Variants in CPEB3 observed in about 807,000 individuals in gnomAD.
The protein encoded by CPEB3 is cytoplasmic polyadenylation element-binding protein 3.
In CPEB3, 20 loss-of-function variants were observed where a neutral mutation model predicts 67.2. The observed-to-expected ratio is 0.30, with a 90% confidence interval of 0.21 to 0.43. The LOEUF is 0.43. Ranked by LOEUF, CPEB3 falls within the 20% of genes least tolerant of loss-of-function variation. The pLI, the probability that CPEB3 is intolerant of heterozygous loss-of-function variation, is 1.00. For synonymous variants in CPEB3, 376 were observed against 393.1 expected (o/e 0.96, Z 0.51); for missense variants, 746 against 968.6 (o/e 0.77, Z 3.05).
chr10:92,215,209 G>C (rs1850296554), intron 2 of CPEB3, among the ~76,000 whole-genome samples: 2 of 150,298 alleles, frequency 1.3e-5, no homozygotes, highest in South Asian at 4.2e-4. Context: ...CTAGAGTGCA[G>C]TAGTGCAATC....
At chr10:92,208,411 A>C (rs1470390518) in intron 2 of CPEB3, among the ~76,000 whole-genome samples, 1 of 152,146 alleles carries the variant, frequency 6.6e-6, no homozygotes, top group Non-Finnish European at 1.5e-5. Flanking sequence ...CTTAATGTTA[A>C]TAGTTTTCAA....
chr10:92,150,082 G>C (rs1413250543), intron 4 of CPEB3, among the ~76,000 whole-genome samples: 1 of 152,142 alleles, frequency 6.6e-6, no homozygotes, highest in African/African-American at 2.4e-5. Flanking sequence ...CTGCAGAAAG[G>C]ATTTAAAAGA....
chr10:92,052,387 C>T lies in CPEB3; in HGVS notation c.1922G>A (p.Gly641Asp). ...GGCAAACTTCCCACCACAGCGTGTG[C>T]CCTGGCACTCATCACACATCTGATC... is the stretch of plus-strand genomic sequence containing the variant. ...LDDQMCDECQGTRCGGKFAPF... is the reference protein window; with the variant it reads ...LDDQMCDECQDTRCGGKFAPF... Residue 641 changes from glycine (G) to aspartate (D), a missense_variant, in exon 10 of 10, where the codon GGC (glycine) becomes GAC (aspartate). This residue lies in a region of CPEB3 where 103 missense variants were observed against 251.1 expected (regional missense o/e 0.41). Coordinates refer to ENST00000265997, the MANE Select transcript of CPEB3 (RefSeq NM_014912.5). The T allele has an allele frequency of 6.2e-7, 1 of 1,614,230 alleles. No homozygotes were observed. The highest frequency in any genetic ancestry group is 1.1e-5 in the South Asian group (1 of 91,084).
chr10:92,190,102 AC>A (rs1429055076), intron 3 of CPEB3, among the ~76,000 whole-genome samples: 1 of 151,866 alleles, frequency 6.6e-6, no homozygotes, highest in Admixed American at 6.6e-5. Context: ...ACATGGTGAC[AC>A]CCCGTCTCTA....
chr10:92,234,386 ATT>A (rs1157414627), intron 2 of CPEB3, among the ~76,000 whole-genome samples: 1 of 152,188 alleles, frequency 6.6e-6, no homozygotes, highest in East Asian at 1.9e-4. Context: ...CAGTCACTGT[ATT>A]TTTTTCTTTC....
rs1852420249 is a variant in CPEB3 at position 92,254,108 on chromosome 10, G to T, written c.-11-13747C>A. ...GCTGAGCATGGTGATGTGCACCTGT[G>T]GTCCCAGGTACTCAGGAGGCTGAGG... On this transcript the variant is annotated intron_variant, in intron 1 of 9. Transcript: ENST00000265997. 1.3e-5 allele frequency among the ~76,000 whole-genome samples: 2 copies of T among 151,780 alleles called. 1 individual carries two copies. The highest frequency in any genetic ancestry group is 4.2e-4 in the South Asian group (2 of 4,806).
chr10:92,079,140 G>C (rs901371898), intron 9 of CPEB3, among the ~76,000 whole-genome samples: 2 of 152,154 alleles, frequency 1.3e-5, no homozygotes, highest in Non-Finnish European at 2.9e-5. Flanking sequence ...CGCCAGTGAT[G>C]GTTGCGATAG....
intron 3 of CPEB3, among the ~76,000 whole-genome samples, chr10:92,188,857 T>C (rs577088887): frequency 5.3e-5 from 8 of 152,356 alleles, no homozygotes; most frequent in African/African-American, 1.9e-4. Flanking sequence ...TTCTATATAA[T>C]TTTTATCATG....
intron 9 of CPEB3, among the ~76,000 whole-genome samples, chr10:92,076,834 G>GGGGA (rs1564758636): frequency 6.7e-6 from 1 of 149,536 alleles, no homozygotes; most frequent in Non-Finnish European, 1.5e-5. Flanking sequence ...AGGAGGAGGA[G>GGGGA]GAAAGAAAGA....
At chr10:92,211,850 A>G (rs1328565065) in intron 2 of CPEB3, among the ~76,000 whole-genome samples, 1 of 150,290 alleles carries the variant, frequency 6.7e-6, no homozygotes, top group Non-Finnish European at 1.5e-5. Flanking sequence ...GCTCAAACAT[A>G]TATGTTCTAA....
At chr10:92,203,400 G>GTA (rs1187949432) in intron 2 of CPEB3, among the ~76,000 whole-genome samples, 5 of 139,710 alleles carry the variant, frequency 3.6e-5, no homozygotes, top group South Asian at 2.2e-4. Flanking sequence ...ATATATATAC[G>GTA]TATATATATG....
rs117715231 is a variant in CPEB3, at chr10:92,141,722, T to C, written c.1453+1307A>G. Among the ~76,000 whole-genome samples, 1,348 of 145,344 alleles carry C rather than the reference T, an allele frequency of 9.3e-3. 15 individuals carry two copies. The highest frequency in any genetic ancestry group is 0.021 in the Middle Eastern group (6 of 290). ...ATAATAAATAATTGATAAGAAAACA[T>C]ACCAAAAAAAAAAAGGCCGGGCATG... On this transcript the variant is annotated intron_variant, in intron 6 of 9. Transcript: ENST00000265997.
At chr10:92,062,532 G>T (rs560492478) in intron 9 of CPEB3, among the ~76,000 whole-genome samples, 18 of 152,078 alleles carry the variant, frequency 1.2e-4, no homozygotes, top group Non-Finnish European at 2.5e-4. Context: ...AAACTGAAAT[G>T]AATTGTAGAC....
intron 9 of CPEB3, among the ~76,000 whole-genome samples, chr10:92,066,070 C>G (rs1222386049): frequency 6.6e-6 from 1 of 151,900 alleles, no homozygotes; most frequent in Non-Finnish European, 1.5e-5. Context: ...GCACTCCAAA[C>G]TGGGTGACAG....
intron 6 of CPEB3, among the ~76,000 whole-genome samples, chr10:92,120,655 T>G (rs1463518923): frequency 6.6e-6 from 1 of 152,086 alleles, no homozygotes; most frequent in Non-Finnish European, 1.5e-5. Context: ...TCTGGATATT[T>G]CTTGTTCTCA....
chr10:92,078,398 A>G (rs954730531), intron 9 of CPEB3, among the ~76,000 whole-genome samples: 1 of 152,216 alleles, frequency 6.6e-6, no homozygotes, highest in Non-Finnish European at 1.5e-5. Context: ...ACCTGCCTTA[A>G]GAGAAGTAAA....
In CPEB3 at chr10:92,112,122, G is replaced by A. The variant is rs1298663715; in HGVS notation, c.1454-928C>T. Among the ~76,000 whole-genome samples, 6 of 116,510 alleles carry A rather than the reference G, an allele frequency of 5.1e-5. No homozygotes were observed. In the East Asian group the frequency reaches 9.4e-4, roughly 18 times the overall value. 76.4% of individuals were successfully genotyped at this position (116,510 alleles called of 152,430 possible). A position where few individuals can be genotyped will look rare whatever the true frequency, so the allele number is the denominator to read the frequency against. On this transcript the variant is annotated intron_variant, in intron 6 of 9. Coordinates refer to ENST00000265997, the MANE Select transcript of CPEB3 (RefSeq NM_014912.5). ...AGAATACTAAAATAAGCAAGACCAC[G>A]TTCCTTTTTTTTTTTTTTTTTTTTT...
intron 8 of CPEB3, among the ~76,000 whole-genome samples, chr10:92,087,597 C>CAA (rs1310591662): frequency 6.6e-6 from 1 of 152,138 alleles, no homozygotes; most frequent in Non-Finnish European, 1.5e-5. Flanking sequence ...CATCAGATGC[C>CAA]AAAACCAAGA....
chr10:92,285,433 G>A (rs1405001398), intron 1 of CPEB3, among the ~76,000 whole-genome samples: 2 of 152,116 alleles, frequency 1.3e-5, no homozygotes, highest in Non-Finnish European at 2.9e-5. Flanking sequence ...ACCATGCCTG[G>A]TTAATGTTTG....
Sources: allele counts gnomAD v4.1 joint callset (sites outside exome capture counted in the v4.1 genomes callset), GRCh38; gene constraint gnomAD v4.1.1; regional missense constraint gnomAD v4.1.1; transcripts MANE v1.5; gene names NCBI Gene and HGNC (gene_info 2026-07-23, HGNC 2026-07-21).